The following CDKAL1 variants were observed in gnomAD, a reference collection of about 807,000 sequenced individuals.
CDKAL1 encodes CDKAL1 threonylcarbamoyladenosine tRNA methylthiotransferase, also known as threonylcarbamoyladenosine tRNA methylthiotransferase.
In CDKAL1, 32 loss-of-function variants were observed where a neutral mutation model predicts 68.2. The ratio of observed to expected loss-of-function variants is 0.47; its 90% CI spans 0.35 to 0.63. CDKAL1 has a LOEUF of 0.63. Ranked by LOEUF, CDKAL1 falls within the 30% of genes least tolerant of loss-of-function variation. The pLI is 0.00. For missense variants in CDKAL1, 606 were observed against 696.7 expected (o/e 0.87, Z 1.47); for synonymous variants, 234 against 244.3 (o/e 0.96, Z 0.39).
intron 9 of CDKAL1, among the ~76,000 whole-genome samples, chr6:20,938,032 T>G (rs1290523972): frequency 6.6e-6 from 1 of 152,218 alleles, no homozygotes; most frequent in African/African-American, 2.4e-5. Context: ...ACCTTTTACA[T>G]TCAGTAATTA....
At chr6:20,776,498 G>A (rs1402900526) in intron 7 of CDKAL1, among the ~76,000 whole-genome samples, 1 of 152,186 alleles carries the variant, frequency 6.6e-6, no homozygotes, top group Non-Finnish European at 1.5e-5. Flanking sequence ...GTTGTGAAAA[G>A]TTGTACCGGA....
At chr6:20,984,313 T>C (rs1158390571) in intron 10 of CDKAL1, among the ~76,000 whole-genome samples, 1 of 152,036 alleles carries the variant, frequency 6.6e-6, no homozygotes, top group East Asian at 1.9e-4. Flanking sequence ...CCACAGCTCA[T>C]GGGTGGGGGA....
At chr6:20,546,978 G>C (rs1453004297) in intron 3 of CDKAL1, among the ~76,000 whole-genome samples, 1 of 152,134 alleles carries the variant, frequency 6.6e-6, no homozygotes, top group Non-Finnish European at 1.5e-5. Flanking sequence ...TCACTTATCT[G>C]AAATGCTTGA....
chr6:20,862,843 A>G (rs1005110347), intron 9 of CDKAL1, among the ~76,000 whole-genome samples: 1 of 152,152 alleles, frequency 6.6e-6, no homozygotes, highest in African/African-American at 2.4e-5. Context: ...CCTGACCAAC[A>G]TGGAGAAACT....
chr6:20,625,211 C>G (rs1377763438), intron 4 of CDKAL1, among the ~76,000 whole-genome samples: 2 of 152,010 alleles, frequency 1.3e-5, no homozygotes. Context: ...TTTTGTAACT[C>G]TATTCTTACA....
chr6:21,210,272 T>C (rs1016771424), intron 15 of CDKAL1, among the ~76,000 whole-genome samples: 4 of 152,226 alleles, frequency 2.6e-5, no homozygotes, highest in African/African-American at 9.6e-5. Context: ...TGTTGGTGTC[T>C]TCCCAAAGTT....
At chr6:20,590,354 TTTTA>T (rs1765541156) in intron 4 of CDKAL1, among the ~76,000 whole-genome samples, 2 of 152,178 alleles carry the variant, frequency 1.3e-5, no homozygotes, top group South Asian at 2.1e-4. Context: ...TGTTTTTATT[TTTTA>T]TTTATTTTAT....
chr6:20,725,799 A>AG (rs1258088154), intron 5 of CDKAL1, among the ~76,000 whole-genome samples: 2 of 151,546 alleles, frequency 1.3e-5, no homozygotes. Context: ...AAAAAAAAAA[A>AG]AAAAAGAAAA....
chr6:20,891,398 A>T (rs764170623), intron 9 of CDKAL1, among the ~76,000 whole-genome samples: 2 of 152,142 alleles, frequency 1.3e-5, no homozygotes, highest in Non-Finnish European at 2.9e-5. Flanking sequence ...CTGTGAGTTA[A>T]TAACACTCCC....
intron 8 of CDKAL1, among the ~76,000 whole-genome samples, chr6:20,833,866 A>G (rs1052300433): frequency 2.6e-5 from 4 of 152,072 alleles, no homozygotes; most frequent in African/African-American, 9.7e-5. Context: ...GTTGGGTAGG[A>G]GAGATCTCAG....
chr6:21,137,001 C>T (rs368315672), intron 13 of CDKAL1, among the ~76,000 whole-genome samples: 2 of 152,260 alleles, frequency 1.3e-5, no homozygotes, highest in East Asian at 1.9e-4. Flanking sequence ...CCCCGACCAG[C>T]GTCTACCATT....
chr6:20,735,310 A>G (rs1363775533), intron 5 of CDKAL1, among the ~76,000 whole-genome samples: 5 of 151,870 alleles, frequency 3.3e-5, no homozygotes, highest in Non-Finnish European at 5.9e-5. Context: ...ATTAAAAAAA[A>G]GAGGTTTAAT....
Position 20,785,977 on chromosome 6 carries a change from T to G in CDKAL1, c.638+4712T>G, listed in dbSNP as rs185351162. Among the ~76,000 whole-genome samples the G allele has an allele frequency of 2.6e-5, 4 of 152,304 alleles. No homozygotes were observed. The East Asian group carries it at 7.7e-4, about 29-fold the overall frequency. ...GGATCATGCCTGTAATCCCAGCACT[T>G]TGGGAGGCCAAGGCAGGTGGATCAC... On this transcript the variant is annotated intron_variant, in intron 8 of 15. Transcript: ENST00000274695.
chr6:20,625,433 C>T (rs1767385334), intron 4 of CDKAL1, among the ~76,000 whole-genome samples: 1 of 152,066 alleles, frequency 6.6e-6, no homozygotes, highest in Admixed American at 6.6e-5. Flanking sequence ...TCTTGTGTGG[C>T]TCTCATAGTT....
intron 8 of CDKAL1, among the ~76,000 whole-genome samples, chr6:20,785,193 C>T (rs1027733095): frequency 6.6e-6 from 1 of 152,154 alleles, no homozygotes; most frequent in Admixed American, 6.5e-5. Context: ...CTAATTTTCT[C>T]AGACTGCTAA....
chr6:20,701,476 C>T (rs1421537477), intron 5 of CDKAL1, among the ~76,000 whole-genome samples: 2 of 152,128 alleles, frequency 1.3e-5, no homozygotes, highest in African/African-American at 4.8e-5. Context: ...TGTCTATTAC[C>T]TTCCTGTAGA....
chr6:20,652,885 A>G (rs1768838038), intron 5 of CDKAL1, among the ~76,000 whole-genome samples: 1 of 152,212 alleles, frequency 6.6e-6, no homozygotes, highest in African/African-American at 2.4e-5. Flanking sequence ...AGTAACCTTT[A>G]TCTTGACTTT....
At chr6:20,789,226 A>G (rs1033185852) in intron 8 of CDKAL1, among the ~76,000 whole-genome samples, 2 of 152,220 alleles carry the variant, frequency 1.3e-5, no homozygotes, top group African/African-American at 4.8e-5. Flanking sequence ...TATGTCTTCA[A>G]CGGAATCCCA....
intron 10 of CDKAL1, among the ~76,000 whole-genome samples, chr6:20,987,237 G>A (rs958811268): frequency 6.8e-6 from 1 of 147,496 alleles, no homozygotes; most frequent in African/African-American, 2.5e-5. Context: ...TTAAACCTAT[G>A]TTATCTTTGC....
Sources: gnomAD v4.1 joint callset for allele counts (sites outside exome capture counted in the v4.1 genomes callset) on GRCh38, gnomAD v4.1.1 for gene constraint, MANE v1.5 for transcripts, NCBI Gene and HGNC (gene_info 2026-07-23, HGNC 2026-07-21) for gene names.